CNTN5: variants seen among roughly 807,000 people sequenced by gnomAD.
CNTN5 encodes contactin 5, also known as contactin-5.
In CNTN5, 77 loss-of-function variants were observed where a neutral mutation model predicts 129.1. The observed-to-expected ratio is 0.60, with a 90% CI of 0.50 to 0.72. CNTN5 has a LOEUF of 0.72. Ranked by LOEUF, CNTN5 falls within the 30% of genes least tolerant of loss-of-function variation. The pLI is 0.00. For missense variants in CNTN5, 1,478 were observed against 1,328.8 expected (o/e 1.11, Z -1.75); for synonymous variants, 509 against 465.6 (o/e 1.09, Z -1.20).
chr11:99,945,041 TTGATGATA>T (rs2136125624), intron 7 of CNTN5, among the ~76,000 whole-genome samples: 1 of 152,102 alleles, frequency 6.6e-6, no homozygotes, highest in Admixed American at 6.6e-5. Context: ...AAATGAAGCA[TTGATGATA>T]GTGAAGAGTG....
At chr11:99,122,906 A>G (rs1858421345) in intron 1 of CNTN5, among the ~76,000 whole-genome samples, 1 of 152,154 alleles carries the variant, frequency 6.6e-6, no homozygotes, top group Non-Finnish European at 1.5e-5. Flanking sequence ...GTAGTATTAC[A>G]TGGTGTATAT....
intron 3 of CNTN5, among the ~76,000 whole-genome samples, chr11:99,658,018 A>G (rs578108067): frequency 2.6e-5 from 4 of 152,018 alleles, no homozygotes; most frequent in Non-Finnish European, 5.9e-5. Flanking sequence ...TAAAATTTAT[A>G]TTTTATTAAT....
chr11:99,321,964 T>C (rs1865592170), intron 1 of CNTN5, among the ~76,000 whole-genome samples: 1 of 152,184 alleles, frequency 6.6e-6, no homozygotes, highest in Admixed American at 6.6e-5. Context: ...TGGTTTTAGT[T>C]TGCCAAGCCA....
chr11:99,302,258 T>C (rs1264772022), intron 1 of CNTN5, among the ~76,000 whole-genome samples: 1 of 151,098 alleles, frequency 6.6e-6, no homozygotes, highest in Non-Finnish European at 1.5e-5. Context: ...ATAAAAACAA[T>C]AGTGAAAAGT....
At chr11:100,024,428 C>G (rs894362289) in intron 9 of CNTN5, among the ~76,000 whole-genome samples, 17 of 152,084 alleles carry the variant, frequency 1.1e-4, no homozygotes, top group Non-Finnish European at 2.1e-4. Context: ...CAAATTGGTA[C>G]TGGGAGTGGG....
chr11:99,967,240 A>G (rs1255401856), intron 8 of CNTN5, among the ~76,000 whole-genome samples: 1 of 152,218 alleles, frequency 6.6e-6, no homozygotes, highest in Non-Finnish European at 1.5e-5. Flanking sequence ...TGTTGACCAT[A>G]TTACCAAAGC....
intron 3 of CNTN5, among the ~76,000 whole-genome samples, chr11:99,759,177 A>G (rs1293297050): frequency 6.6e-6 from 1 of 152,102 alleles, no homozygotes; most frequent in Non-Finnish European, 1.5e-5. Flanking sequence ...AGGTTACACA[A>G]CAGATAAATG....
At chr11:99,759,135 A>C (rs574487637) in intron 3 of CNTN5, among the ~76,000 whole-genome samples, 2 of 152,170 alleles carry the variant, frequency 1.3e-5, no homozygotes, top group East Asian at 1.9e-4. Flanking sequence ...CAGAAGAAAG[A>C]AGTAGATCAA....
chr11:100,106,640 T>A (rs1268499051), intron 13 of CNTN5, among the ~76,000 whole-genome samples: 1 of 152,062 alleles, frequency 6.6e-6, no homozygotes, highest in East Asian at 1.9e-4. Context: ...ATGAAAAAAA[T>A]AGGGACCATT....
chr11:99,646,332 C>G (rs1951958911), intron 3 of CNTN5, among the ~76,000 whole-genome samples: 1 of 152,174 alleles, frequency 6.6e-6, no homozygotes, highest in Non-Finnish European at 1.5e-5. Flanking sequence ...CTTGTTTTCC[C>G]TTTTTTGCTA....
At chr11:99,487,888 T>C (rs1166960551) in intron 2 of CNTN5, among the ~76,000 whole-genome samples, 1 of 152,212 alleles carries the variant, frequency 6.6e-6, no homozygotes, top group Non-Finnish European at 1.5e-5. Flanking sequence ...CATACTTGCA[T>C]AGCCAAGAGG....
At chr11:100,294,104 G>C (rs1019221191) in intron 18 of CNTN5, among the ~76,000 whole-genome samples, 1 of 151,504 alleles carries the variant, frequency 6.6e-6, no homozygotes, top group Non-Finnish European at 1.5e-5. Context: ...AAATTGTATG[G>C]CCTGTCCCAG....
At chr11:100,003,173 A>G (rs1403516610) in intron 9 of CNTN5, among the ~76,000 whole-genome samples, 1 of 152,196 alleles carries the variant, frequency 6.6e-6, no homozygotes. Flanking sequence ...CTTTAAGTAG[A>G]AACAACATCA....
At chr11:100,020,731 C>CA (rs1941097118) in intron 9 of CNTN5, among the ~76,000 whole-genome samples, 1 of 151,962 alleles carries the variant, frequency 6.6e-6, no homozygotes, top group South Asian at 2.1e-4. Context: ...CAGTAAATCG[C>CA]AGAATACAAA....
chr11:100,087,832 G>T (rs1229122852), intron 13 of CNTN5, among the ~76,000 whole-genome samples: 1 of 151,410 alleles, frequency 6.6e-6, no homozygotes, highest in East Asian at 1.9e-4. Flanking sequence ...CTTGTCATCT[G>T]CACATGAAAC....
intron 9 of CNTN5, among the ~76,000 whole-genome samples, chr11:100,030,695 TCTTTCTAG>T (rs1941662937): frequency 7.6e-6 from 1 of 131,796 alleles, no homozygotes; most frequent in East Asian, 2.8e-4. Context: ...ATATTTTCTC[TCTTTCTAG>T]CTAGAAGTTT....
At chr11:99,454,893 T>G (rs1944441208) in intron 2 of CNTN5, among the ~76,000 whole-genome samples, 1 of 152,054 alleles carries the variant, frequency 6.6e-6, no homozygotes, top group Non-Finnish European at 1.5e-5. Context: ...TCTAGTAGCC[T>G]CCCAGCAAAC....
At chr11:99,725,315 G>A (rs1047713139) in intron 3 of CNTN5, among the ~76,000 whole-genome samples, 10 of 152,064 alleles carry the variant, frequency 6.6e-5, no homozygotes, top group Non-Finnish European at 1.2e-4. Context: ...TTTGAAAGGA[G>A]AAGGTAGATA....
intron 13 of CNTN5, among the ~76,000 whole-genome samples, chr11:100,119,676 G>C (rs954670002): frequency 6.6e-6 from 1 of 151,812 alleles, no homozygotes; most frequent in South Asian, 2.1e-4. Context: ...GGACTGATTT[G>C]GGCAGAATGG....
Sources: gnomAD v4.1 joint callset for allele counts (sites outside exome capture counted in the v4.1 genomes callset) on GRCh38, gnomAD v4.1.1 for gene constraint, MANE v1.5 for transcripts, NCBI Gene and HGNC (gene_info 2026-07-23, HGNC 2026-07-21) for gene names.